Variants in LANCL1 observed in about 807,000 individuals in gnomAD.
LANCL1 encodes the protein LanC like glutathione S-transferase 1.
LANCL1 carries 50 observed loss-of-function variants against 50.6 expected under a neutral mutation model. The observed-to-expected ratio is 0.99, with a 90% CI of 0.79 to 1.25. The LOEUF (loss-of-function observed/expected upper bound fraction) is 1.25, where lower values mean the gene tolerates loss of function less well. Ranked by LOEUF, LANCL1 falls within the 50% of genes most tolerant of loss-of-function variation. The probability of loss-of-function intolerance (pLI) is 0.00; values close to 1 mark genes in which losing one functional copy is unlikely to be tolerated. For synonymous variants in LANCL1, 188 were observed against 178.6 expected (o/e 1.05, Z -0.42); for missense variants, 532 against 480.7 (o/e 1.11, Z -1.00).
chr2:210,450,644 A>G (rs568619402), intron 4 of LANCL1, among the ~76,000 whole-genome samples: 3 of 152,292 alleles, frequency 2.0e-5, no homozygotes, highest in South Asian at 2.1e-4. Flanking sequence ...AGAAAAAAAC[A>G]TAACTCCATC....
In LANCL1 at chr2:210,437,245, A is replaced by G. The variant is rs577575530; in HGVS notation, c.873+445T>C. 4.6e-5 allele frequency among the ~76,000 whole-genome samples: 7 copies of G among 152,296 alleles called. No individual in the cohort carries two copies. The East Asian group carries it at 1.2e-3, about 25-fold the overall frequency. ...GTTTTCAAGGTTCATCCATGTTGTA[A>G]TATGTATCAGAAAGTCATTCTTTTA... is the stretch of plus-strand genomic sequence containing the variant. On this transcript the variant is annotated intron_variant, in intron 7 of 9. Transcript: ENST00000450366.
chr2:210,471,466 T>C (rs1694221966), intron 3 of LANCL1: 1 of 392,750 alleles, frequency 2.5e-6, no homozygotes, highest in Non-Finnish European at 5.0e-6. Context: ...CAAACAGCAA[T>C]GACCATATGG....
chr2:210,443,977 G>A (rs1471789644), intron 4 of LANCL1, among the ~76,000 whole-genome samples: 1 of 152,162 alleles, frequency 6.6e-6, no homozygotes, highest in Non-Finnish European at 1.5e-5. Context: ...AGGGCTTGAG[G>A]GCAATGTGAC....
At chr2:210,471,692 T>C (rs959490599) in intron 3 of LANCL1, 1 of 639,212 alleles carries the variant, frequency 1.6e-6, no homozygotes, top group Admixed American at 2.0e-5. Flanking sequence ...AAAATCAATT[T>C]TTCTCCTCAC....
At chr2:210,435,286 AATAATT>A in intron 9 of LANCL1, 95 bp downstream of exon 9, 1 of 820,770 alleles carries the variant, frequency 1.2e-6, no homozygotes. Flanking sequence ...GTAGTTTAAG[AATAATT>A]ATAAAATTTT....
At chr2:210,437,601 T>C in intron 7 of LANCL1, 89 bp downstream of exon 7, 1 of 717,758 alleles carries the variant, frequency 1.4e-6, no homozygotes, top group Non-Finnish European at 2.1e-6. Flanking sequence ...GATTTATTTA[T>C]TGTTCCTTTA....
intron 3 of LANCL1, among the ~76,000 whole-genome samples, chr2:210,461,545 T>A (rs142285371): frequency 3.9e-4 from 60 of 152,332 alleles, no homozygotes; most frequent in African/African-American, 1.3e-3. Context: ...AGGAACAGCA[T>A]CTTGAAACAC....
chr2:210,451,381 G>T (rs561826164), intron 4 of LANCL1, among the ~76,000 whole-genome samples: 159 of 152,152 alleles, frequency 1.0e-3, no homozygotes, highest in Middle Eastern at 3.4e-3. Context: ...TAGATGACAG[G>T]TTGATTGGTG....
chr2:210,476,332 A>C lies in LANCL1; in HGVS notation c.65T>G (p.Phe22Cys), dbSNP rs752416723. The C allele has an allele frequency of 6.2e-7, 1 of 1,613,898 alleles. No homozygotes were observed. Among genetic ancestry groups the C allele is most frequent in the East Asian group, 2.2e-5 (1 of 44,870 alleles). ...DYNKSLAEGY[F>C]DAAGRLTPEF... ...TAAACTCACCCTCCCGGCAGCATCA[A>C]AGTAGCCTTCGGCCAGGGATTTGTT... is the stretch of plus-strand genomic sequence containing the variant. The change falls in exon 2 of 10, where the codon TTT becomes TGT. Residue 22 changes from phenylalanine (F) to cysteine (C), a missense_variant. Phe to Cys is a radical substitution (Grantham distance 205). Transcript: ENST00000450366.
intron 4 of LANCL1, among the ~76,000 whole-genome samples, chr2:210,452,991 T>A (rs1693555691): frequency 6.6e-6 from 1 of 152,156 alleles, no homozygotes. Context: ...TAAGTCAAAT[T>A]TCTAGATTTT....
intron 2 of LANCL1, among the ~76,000 whole-genome samples, chr2:210,474,936 C>G (rs1694315598): frequency 6.6e-6 from 1 of 152,126 alleles, no homozygotes; most frequent in Non-Finnish European, 1.5e-5. Flanking sequence ...ATCTGCACAG[C>G]TAAGCAGAAT....
intron 3 of LANCL1, among the ~76,000 whole-genome samples, chr2:210,461,079 T>A (rs754228565): frequency 5.3e-5 from 8 of 152,088 alleles, no homozygotes; most frequent in Non-Finnish European, 1.0e-4. Context: ...CACCAAGCCT[T>A]CTGGGTGTTG....
At chr2:210,452,495 C>T (rs1418324117) in intron 4 of LANCL1, among the ~76,000 whole-genome samples, 1 of 152,146 alleles carries the variant, frequency 6.6e-6, no homozygotes, top group East Asian at 1.9e-4. Context: ...TTGTCCTCCC[C>T]TCCACTCCCC....
At chr2:210,474,127 C>T (rs188314187) in intron 2 of LANCL1, among the ~76,000 whole-genome samples, 51 of 152,280 alleles carry the variant, frequency 3.3e-4, no homozygotes, top group African/African-American at 1.1e-3. Context: ...TGTGGTACAC[C>T]ACCAAATCAT....
chr2:210,465,151 T>C (rs542133211), intron 3 of LANCL1, among the ~76,000 whole-genome samples: 1 of 152,228 alleles, frequency 6.6e-6, no homozygotes, highest in Non-Finnish European at 1.5e-5. Flanking sequence ...CAAGTGTTGC[T>C]CCACTTAAAA....
intron 4 of LANCL1, among the ~76,000 whole-genome samples, chr2:210,447,475 T>C (rs1200266395): frequency 1.3e-5 from 2 of 152,150 alleles, no homozygotes; most frequent in Non-Finnish European, 1.5e-5. Context: ...AGCTACATCA[T>C]AATGACAGGA....
At chr2:210,461,318 G>A (rs1271532444) in intron 3 of LANCL1, among the ~76,000 whole-genome samples, 1 of 152,000 alleles carries the variant, frequency 6.6e-6, no homozygotes, top group Admixed American at 6.6e-5. Flanking sequence ...GGGTGGGATA[G>A]GTGCATCTAA....
At position 210,434,140 on chromosome 2, in the gene LANCL1, T is replaced by C. The variant is rs1367055182; in HGVS notation, c.*347A>G. ...TTTATCTTTATCTGTATTGAGTTTC[T>C]TTTAAACATTTTTAGAACAGTAACA... On this transcript the variant is annotated 3_prime_UTR_variant, in exon 10 of 10. Transcript: ENST00000450366. 2.3e-5 allele frequency: 4 copies of C among 171,584 alleles called. No homozygotes were observed. Among genetic ancestry groups the C allele is most frequent in the Non-Finnish European group, 4.9e-5 (4 of 81,096 alleles). The allele number at this position is 171,584 out of a possible 1,614,324, so 10.6% of individuals were successfully genotyped here. A position where few individuals can be genotyped will look rare whatever the true frequency, so the allele number is the denominator to read the frequency against.
chr2:210,455,159 C>G lies in LANCL1; in HGVS notation c.355G>C (p.Val119Leu). Residue 119 changes from valine (V) to leucine (L), a missense_variant, in exon 4 of 10, where the codon GTG becomes CTG. Val to Leu is a conservative substitution (Grantham distance 32). Coordinates refer to ENST00000450366, the MANE Select transcript of LANCL1 (RefSeq NM_006055.3). Reference protein sequence around the residue: ...GDAGPLAVAAVLYHKMNNEKQ... With the variant: ...GDAGPLAVAALLYHKMNNEKQ... ...TCATTGTTCATCTTGTGATATAGCA[C>G]AGCGGCCACTGCCAGGGGGCCTGCA... 1 of 1,613,690 alleles carries G rather than the reference C, an allele frequency of 6.2e-7. No individual in the cohort carries two copies. Among genetic ancestry groups the G allele is most frequent in the Non-Finnish European group, 8.5e-7 (1 of 1,179,758 alleles).
Sources: gnomAD v4.1 joint callset for allele counts (sites outside exome capture counted in the v4.1 genomes callset) on GRCh38, gnomAD v4.1.1 for gene constraint, MANE v1.5 for transcripts, NCBI Gene and HGNC (gene_info 2026-07-23, HGNC 2026-07-21) for gene names.